The following ZNF385D variants were observed in gnomAD, a reference collection of about 807,000 sequenced individuals.
The protein encoded by ZNF385D is zinc finger protein 385D.
Under a neutral mutation model 35.8 loss-of-function variants are expected in ZNF385D, and 15 were observed. The ratio of observed to expected loss-of-function variants is 0.42; its 90% CI spans 0.28 to 0.64. The LOEUF (loss-of-function observed/expected upper bound fraction) is 0.64, where lower values mean the gene tolerates loss of function less well. Among genes scored for constraint, ZNF385D ranks in the 30% least tolerant of loss-of-function variants. The pLI, the probability that ZNF385D is intolerant of heterozygous loss-of-function variation, is 0.23. For synonymous variants in ZNF385D, 212 were observed against 186.8 expected, an observed-to-expected ratio of 1.13 and a Z score of -1.10; for missense variants, 474 against 494.6, an observed-to-expected ratio of 0.96 and a Z score of 0.39.
chr3:21,694,167 C>T (rs2067389140), intron 1 of ZNF385D, among the ~76,000 whole-genome samples: 1 of 151,020 alleles, frequency 6.6e-6, no homozygotes, highest in South Asian at 2.1e-4. Flanking sequence ...CCTCAGCCTC[C>T]CGAGTAGCTG....
At chr3:22,190,423 C>A (rs923193236) in intron 2 of ZNF385D, among the ~76,000 whole-genome samples, 2 of 152,114 alleles carry the variant, frequency 1.3e-5, no homozygotes, top group Non-Finnish European at 2.9e-5. Flanking sequence ...ACCTTAATTG[C>A]ATTTCAAATG....
upstream of ZNF385D, among the ~76,000 whole-genome samples, chr3:21,753,538 C>A (rs1039420873): frequency 2.0e-5 from 3 of 152,074 alleles, no homozygotes; most frequent in Non-Finnish European, 2.9e-5. Flanking sequence ...AATATCTATA[C>A]AATGTAATTC....
At chr3:21,544,066 C>T (rs1251653400) in intron 3 of ZNF385D, among the ~76,000 whole-genome samples, 1 of 152,166 alleles carries the variant, frequency 6.6e-6, no homozygotes, top group East Asian at 1.9e-4. Context: ...AAGACAAGCA[C>T]TTGGATCTAA....
rs139603027 is a variant in ZNF385D, at chr3:21,951,673, A to G, written c.325+217144T>C. Among the ~76,000 whole-genome samples, 287 of 151,760 alleles carry G rather than the reference A, an allele frequency of 1.9e-3. 8 individuals are homozygous for G. The highest frequency in any genetic ancestry group is 6.7e-3 in the African/African-American group (276 of 41,148). Reference sequence around the variant, plus strand: ...ATGACAATGCTTTGCTTCTTTAAAAAGTGAAGCTGTTGGTGCACCTACATG... The same window carrying G: ...ATGACAATGCTTTGCTTCTTTAAAAGGTGAAGCTGTTGGTGCACCTACATG... On this transcript the variant is annotated intron_variant, in intron 3 of 5. Transcript: ENST00000494108.
chr3:21,535,853 C>T (rs1234133850), intron 3 of ZNF385D, among the ~76,000 whole-genome samples: 3 of 151,972 alleles, frequency 2.0e-5, no homozygotes, highest in Non-Finnish European at 4.4e-5. Context: ...GTCTTGCTTT[C>T]CTCTGATACC....
At chr3:21,920,455 GAA>G (rs1166011374) in intron 3 of ZNF385D, among the ~76,000 whole-genome samples, 3 of 152,046 alleles carry the variant, frequency 2.0e-5, no homozygotes, top group Admixed American at 6.6e-5. Flanking sequence ...ATTACAGACA[GAA>G]ATATTAGTAG....
At chr3:21,585,011 G>A (rs911734109) in intron 2 of ZNF385D, among the ~76,000 whole-genome samples, 4 of 152,104 alleles carry the variant, frequency 2.6e-5, no homozygotes, top group African/African-American at 9.7e-5. Flanking sequence ...GAGATTGTAT[G>A]TGTAGAATCT....
At chr3:21,815,107 C>T (rs1331594735) in intron 3 of ZNF385D, among the ~76,000 whole-genome samples, 1 of 152,106 alleles carries the variant, frequency 6.6e-6, no homozygotes, top group Non-Finnish European at 1.5e-5. Flanking sequence ...GAAATGAAGG[C>T]AGAAATAAAG....
At chr3:21,459,826 A>G (rs17008855) in intron 4 of ZNF385D, among the ~76,000 whole-genome samples, 3,189 of 152,278 alleles carry the variant, frequency 0.021, 107 homozygotes, top group African/African-American at 0.073. Context: ...ATGTTCAAGG[A>G]TAACTAAGAC....
At chr3:22,212,598 C>G (rs1435704971) in intron 2 of ZNF385D, among the ~76,000 whole-genome samples, 1 of 152,030 alleles carries the variant, frequency 6.6e-6, no homozygotes, top group Middle Eastern at 3.4e-3. Flanking sequence ...ATGTGTTTCT[C>G]CTTTCAAGTG....
intron 1 of ZNF385D, among the ~76,000 whole-genome samples, chr3:21,741,612 A>G (rs2069518341): frequency 7.5e-6 from 1 of 134,042 alleles, no homozygotes; most frequent in African/African-American, 2.9e-5. Context: ...CTATACAGGA[A>G]GGGCAGAATA....
chr3:22,017,725 A>G (rs1332274324), intron 3 of ZNF385D, among the ~76,000 whole-genome samples: 1 of 151,936 alleles, frequency 6.6e-6, no homozygotes. Flanking sequence ...TTTATAACAT[A>G]TTTCTCCTAC....
rs530212908 is a variant in ZNF385D at position 21,693,983 on chromosome 3, A to T, written c.23-28955T>A. ...AACCTCCACCTCCCGGGTTCAAGCG[A>T]TTCTCCTGCCTCAGCCTCCTGCGTA... On this transcript the variant is annotated intron_variant, in intron 1 of 7. Coordinates refer to ENST00000281523, the MANE Select transcript of ZNF385D (RefSeq NM_024697.3). 3.2e-3 allele frequency among the ~76,000 whole-genome samples: 422 copies of T among 133,930 alleles called. 1 individual carries two copies. Among genetic ancestry groups the T allele is most frequent in the Middle Eastern group, 9.0e-3 (2 of 222 alleles). The allele number at this position is 133,930 out of a possible 152,430, so 87.9% of individuals were successfully genotyped here.
chr3:21,847,332 A>T (rs1411114620), intron 3 of ZNF385D, among the ~76,000 whole-genome samples: 1 of 152,114 alleles, frequency 6.6e-6, no homozygotes, highest in East Asian at 1.9e-4. Flanking sequence ...AGAAAGTTTG[A>T]AAATGTGACA....
chr3:21,735,346 CA>C (rs1286716179), intron 1 of ZNF385D, among the ~76,000 whole-genome samples: 1 of 152,134 alleles, frequency 6.6e-6, no homozygotes, highest in Non-Finnish European at 1.5e-5. Context: ...AAGTAGTCAA[CA>C]GATCTGAATT....
intron 3 of ZNF385D, among the ~76,000 whole-genome samples, chr3:21,973,758 C>T (rs541778384): frequency 3.7e-4 from 57 of 152,042 alleles, no homozygotes; most frequent in African/African-American, 1.0e-3. Context: ...ATGCAAAAAT[C>T]AGTACCATTT....
Position 21,497,494 on chromosome 3 carries a change from C to T in ZNF385D, c.439+13367G>A, listed in dbSNP as rs9850053. Reference sequence around the variant, plus strand: ...CCCAAAACAATTGATAGATTCAATGCTATTCCTATCAAACTACCAATGACA... The same window carrying T: ...CCCAAAACAATTGATAGATTCAATGTTATTCCTATCAAACTACCAATGACA... On this transcript the variant is annotated intron_variant, in intron 4 of 7. Coordinates refer to ENST00000281523, the MANE Select transcript of ZNF385D (RefSeq NM_024697.3). 3.8e-3 allele frequency among the ~76,000 whole-genome samples: 575 copies of T among 152,260 alleles called. 3 individuals are homozygous for T. The highest frequency in any genetic ancestry group is 0.013 in the African/African-American group (532 of 41,570).
At chr3:21,951,072 A>C (rs1445043989) in intron 3 of ZNF385D, among the ~76,000 whole-genome samples, 1 of 151,638 alleles carries the variant, frequency 6.6e-6, no homozygotes, top group African/African-American at 2.4e-5. Context: ...TTTTTTTCTA[A>C]TTCTGTGAAG....
chr3:21,472,072 G>A (rs542209373), intron 4 of ZNF385D, among the ~76,000 whole-genome samples: 16 of 152,066 alleles, frequency 1.1e-4, no homozygotes, highest in East Asian at 7.7e-4. Context: ...TTTATGTTAC[G>A]CTCGTCAATA....
Sources: allele counts gnomAD v4.1 joint callset (sites outside exome capture counted in the v4.1 genomes callset), GRCh38; gene constraint gnomAD v4.1.1; transcripts MANE v1.5; gene names NCBI Gene and HGNC (gene_info 2026-07-23, HGNC 2026-07-21).